TBC1D12: variants seen among roughly 807,000 people sequenced by gnomAD.
TBC1D12 encodes the protein TBC1 domain family member 12.
TBC1D12 carries 56 observed loss-of-function variants against 86.7 expected under a neutral mutation model. The observed-to-expected ratio is 0.65, with a 90% CI of 0.52 to 0.81. The LOEUF (loss-of-function observed/expected upper bound fraction) is 0.81. TBC1D12 is among the 30% of genes least tolerant of loss of function. The probability of loss-of-function intolerance (pLI) is 0.00; values close to 1 mark genes in which losing one functional copy is unlikely to be tolerated. For synonymous variants in TBC1D12, 421 were observed against 411.7 expected, an observed-to-expected ratio of 1.02 and a Z score of -0.27; for missense variants, 1,023 against 1,038.8, an observed-to-expected ratio of 0.98 and a Z score of 0.21.
intron 2 of TBC1D12, among the ~76,000 whole-genome samples, chr10:94,445,675 C>T (rs568307247): frequency 3.9e-4 from 59 of 152,006 alleles, no homozygotes; most frequent in Admixed American, 3.5e-3. Flanking sequence ...CAGCTGGGTG[C>T]GGTGGCTCAC....
At chr10:94,404,053 T>A (rs1019806565) in intron 1 of TBC1D12, among the ~76,000 whole-genome samples, 1 of 152,138 alleles carries the variant, frequency 6.6e-6, no homozygotes, top group Non-Finnish European at 1.5e-5. Context: ...AGGAAGTCAT[T>A]TTGTAGAGCT....
intron 9 of TBC1D12, among the ~76,000 whole-genome samples, chr10:94,515,972 A>G (rs1390113456): frequency 1.3e-5 from 2 of 152,082 alleles, no homozygotes; most frequent in East Asian, 1.9e-4. Context: ...GAGCAGGACC[A>G]CTCCAGATTT....
In TBC1D12 at chr10:94,533,287, T is replaced by G. The variant is rs1485441557; in HGVS notation, c.*191T>G. 7.8e-6 allele frequency: 3 copies of G among 383,922 alleles called. No individual in the cohort carries two copies. The highest frequency in any genetic ancestry group is 6.3e-5 in the African/African-American group (3 of 47,646). 23.8% of individuals were successfully genotyped at this position (383,922 alleles called of 1,614,324 possible). A position where few individuals can be genotyped will look rare whatever the true frequency, so the allele number is the denominator to read the frequency against. ...TAACTTATTGACAGTATTAATAAAC[T>G]ATTATTTTGTAGGTAGAGTCATTTT... On this transcript the variant is annotated 3_prime_UTR_variant, in exon 13 of 13. Coordinates refer to ENST00000225235, the MANE Select transcript of TBC1D12 (RefSeq NM_015188.2).
chr10:94,524,834 T>G (rs1173700351), intron 11 of TBC1D12, among the ~76,000 whole-genome samples: 1 of 152,068 alleles, frequency 6.6e-6, no homozygotes, highest in African/African-American at 2.4e-5. Flanking sequence ...TTTTTTTTTA[T>G]TTTTTATTTT....
intron 1 of TBC1D12, among the ~76,000 whole-genome samples, chr10:94,412,729 A>G (rs746417601): frequency 2.6e-5 from 4 of 152,224 alleles, no homozygotes; most frequent in Admixed American, 2.6e-4. Context: ...TACATCTGTT[A>G]TCCATCTCTA....
At chr10:94,473,900 G>A (rs1243833611) in intron 2 of TBC1D12, among the ~76,000 whole-genome samples, 2 of 152,296 alleles carry the variant, frequency 1.3e-5, no homozygotes, top group East Asian at 3.9e-4. Flanking sequence ...GGATGAATTA[G>A]AAGAATACTA....
chr10:94,504,163 A>G (rs1252167243), intron 6 of TBC1D12, among the ~76,000 whole-genome samples: 2 of 152,230 alleles, frequency 1.3e-5, no homozygotes, highest in Non-Finnish European at 2.9e-5. Flanking sequence ...GTAATTGTTT[A>G]AAGTCTTAAG....
intron 1 of TBC1D12, among the ~76,000 whole-genome samples, chr10:94,431,410 T>TAA (rs766071204): frequency 7.0e-5 from 8 of 114,398 alleles, no homozygotes; most frequent in African/African-American, 2.4e-4. Context: ...GCAAGACTCT[T>TAA]AAAAAAAAAA....
intron 1 of TBC1D12, among the ~76,000 whole-genome samples, chr10:94,409,432 C>T (rs796215695): frequency 1.4e-5 from 2 of 140,962 alleles, no homozygotes; most frequent in Non-Finnish European, 3.0e-5. Flanking sequence ...GCTTGGAATG[C>T]GGTGGCACGG....
intron 6 of TBC1D12, among the ~76,000 whole-genome samples, chr10:94,505,321 G>C (rs571190607): frequency 6.6e-6 from 1 of 152,210 alleles, no homozygotes; most frequent in Non-Finnish European, 1.5e-5. Flanking sequence ...GCTTACGCCT[G>C]TAATCCTAGC....
chr10:94,452,729 A>T (rs953221427), intron 2 of TBC1D12, among the ~76,000 whole-genome samples: 4 of 152,140 alleles, frequency 2.6e-5, no homozygotes, highest in African/African-American at 9.7e-5. Context: ...GCTGTTGTTA[A>T]TAAGGCTTCT....
rs2134125295 is a variant in TBC1D12, at chr10:94,463,277, T to TATAA, written c.1096-11390_1096-11389insTAAA. ...AGAATATTGGAAACTGAGTGATTTATAAAGAAAGGGAATTTATTTCTTACA... is the reference window on the plus strand; with the variant it reads ...AGAATATTGGAAACTGAGTGATTTATATAAAAAGAAAGGGAATTTATTTCTTACA... On this transcript the variant is annotated intron_variant, in intron 2 of 12. Transcript: ENST00000225235. Among the ~76,000 whole-genome samples the TATAA allele has an allele frequency of 2.0e-5, 3 of 152,318 alleles. 1 individual carries two copies. In the South Asian group the frequency reaches 6.2e-4, roughly 32 times the overall value.
At chr10:94,522,286 A>C (rs1842172649) in intron 10 of TBC1D12, 58 bp from the exon 11 acceptor site, 1 of 1,120,706 alleles carries the variant, frequency 8.9e-7, no homozygotes, top group African/African-American at 1.6e-5. Flanking sequence ...TTAAGCGTTT[A>C]ATTTCTTTAT....
intron 2 of TBC1D12, among the ~76,000 whole-genome samples, chr10:94,463,744 T>G (rs1031784476): frequency 1.3e-5 from 2 of 152,256 alleles, no homozygotes; most frequent in Admixed American, 1.3e-4. Context: ...CCTTGTGTAC[T>G]TTAGAGCAGT....
At position 94,522,427 on chromosome 10, in the gene TBC1D12, T is replaced by C. The variant is rs1842175681; in HGVS notation, c.1974T>C (p.Leu658=). 2 of 1,395,756 alleles carry C rather than the reference T, an allele frequency of 1.4e-6. No individual in the cohort carries two copies. The highest frequency in any genetic ancestry group is 2.0e-6 in the Non-Finnish European group (2 of 1,014,482). The allele number at this position is 1,395,756 out of a possible 1,614,324, so 86.5% of individuals were successfully genotyped here. A position where few individuals can be genotyped will look rare whatever the true frequency, so the allele number is the denominator to read the frequency against. The change falls in exon 11 of 13, where the codon CTT becomes CTC. Residue 658 remains leucine, a synonymous_variant. Transcript: ENST00000225235. Reference sequence around the variant, plus strand: ...TTCTTCACTTCAAATCTTACAGTCTTACACCAGATATATACTTGATAGACT... The same window carrying C: ...TTCTTCACTTCAAATCTTACAGTCTCACACCAGATATATACTTGATAGACT... The part of the protein sequence containing the change: ...KLFLHFKSYS[L]TPDIYLIDWI...
At chr10:94,514,679 T>TA (rs2056567413) in intron 9 of TBC1D12, among the ~76,000 whole-genome samples, 3 of 152,218 alleles carry the variant, frequency 2.0e-5, no homozygotes, top group Admixed American at 2.0e-4. Flanking sequence ...GATGGACACT[T>TA]ATGTTGATTC....
At chr10:94,414,680 A>G (rs1443457883) in intron 1 of TBC1D12, among the ~76,000 whole-genome samples, 8 of 139,502 alleles carry the variant, frequency 5.7e-5, no homozygotes, top group African/African-American at 1.9e-4. Context: ...GCTCTCTGCC[A>G]CCTCCGCTTC....
chr10:94,483,928 C>T (rs1394408683), intron 3 of TBC1D12, among the ~76,000 whole-genome samples: 1 of 148,702 alleles, frequency 6.7e-6, no homozygotes, highest in African/African-American at 2.5e-5. Context: ...ACAGTTAAGT[C>T]TTTAATGTAT....
In TBC1D12 at chr10:94,426,699, C is replaced by G. The variant is rs375182536; in HGVS notation, c.972-15197C>G. ...TTCAAGCAATTCTCTGCCTCAGCCTCCCGAGTAGCTGGGATTACAGGCGCT... is the reference window on the plus strand; with the variant it reads ...TTCAAGCAATTCTCTGCCTCAGCCTGCCGAGTAGCTGGGATTACAGGCGCT... On this transcript the variant is annotated intron_variant, in intron 1 of 12. Transcript: ENST00000225235. 4.6e-5 allele frequency among the ~76,000 whole-genome samples: 7 copies of G among 152,232 alleles called. No homozygotes were observed. In the East Asian group the frequency reaches 7.7e-4, roughly 17 times the overall value.
Sources: allele counts gnomAD v4.1 joint callset (sites outside exome capture counted in the v4.1 genomes callset), GRCh38; gene constraint gnomAD v4.1.1; transcripts MANE v1.5; gene names NCBI Gene and HGNC (gene_info 2026-07-23, HGNC 2026-07-21).